PTPN2: variants seen among roughly 807,000 people sequenced by gnomAD.
PTPN2 encodes tyrosine-protein phosphatase non-receptor type 2.
In PTPN2, 19 loss-of-function variants were observed where a neutral mutation model predicts 57.3. The ratio of observed to expected loss-of-function variants is 0.33; its 90% CI spans 0.23 to 0.49. PTPN2 has a LOEUF of 0.49. PTPN2 is among the 20% of genes least tolerant of loss of function. The probability of loss-of-function intolerance (pLI) is 0.99; values close to 1 mark genes in which losing one functional copy is unlikely to be tolerated. For missense variants in PTPN2, 358 were observed against 501.1 expected (o/e 0.71, Z 2.73); for synonymous variants, 153 against 164.9 (o/e 0.93, Z 0.55).
chr18:12,862,423 TGCTGGAATTACAG>T (rs2043845372), intron 1 of PTPN2: 1 of 152,402 alleles, frequency 6.6e-6, no homozygotes, highest in South Asian at 2.1e-4. Flanking sequence ...CCTCCCAAAG[TGCTGGAATTACAG>T]GCGTGAGCCA....
chr18:12,830,746 A>G (rs2042639719), intron 4 of PTPN2, among the ~76,000 whole-genome samples, 197 bp downstream of exon 4: 1 of 152,154 alleles, frequency 6.6e-6, no homozygotes, highest in Non-Finnish European at 1.5e-5. Context: ...TTGGAGATGA[A>G]AGGTCTGCAA....
chr18:12,854,365 AAAAAAAAAAAG>A (rs758478192), intron 2 of PTPN2, among the ~76,000 whole-genome samples: 11 of 142,754 alleles, frequency 7.7e-5, no homozygotes, highest in East Asian at 1.9e-4. Context: ...GTCTTGAAAA[AAAAAAAAAAAG>A]AAAAAAGAAA....
At chr18:12,804,306 A>AG (rs1001121872) in intron 7 of PTPN2, among the ~76,000 whole-genome samples, 4 of 150,432 alleles carry the variant, frequency 2.7e-5, no homozygotes, top group Non-Finnish European at 4.4e-5. Flanking sequence ...AAAAAAAAAA[A>AG]AAAGAAAAAG....
intron 5 of PTPN2, among the ~76,000 whole-genome samples, chr18:12,825,362 G>C (rs2042413212): frequency 1.3e-5 from 2 of 152,068 alleles, no homozygotes; most frequent in Admixed American, 6.6e-5. Flanking sequence ...CATTTACTAA[G>C]GTCAGGTGCT....
intron 7 of PTPN2, among the ~76,000 whole-genome samples, chr18:12,802,694 G>C (rs941010708): frequency 2.6e-5 from 4 of 152,172 alleles, no homozygotes; most frequent in Non-Finnish European, 5.9e-5. Flanking sequence ...TACACGCCAA[G>C]AAAGAACAGA....
At chr18:12,833,298 T>C (rs2042733602) in intron 3 of PTPN2, among the ~76,000 whole-genome samples, 1 of 152,252 alleles carries the variant, frequency 6.6e-6, no homozygotes, top group Non-Finnish European at 1.5e-5. Flanking sequence ...ACTGCATCTC[T>C]AGTTTTCTGT....
intron 4 of PTPN2, among the ~76,000 whole-genome samples, chr18:12,830,442 A>AC (rs1263572398): frequency 6.6e-6 from 1 of 152,096 alleles, no homozygotes; most frequent in Non-Finnish European, 1.5e-5. Flanking sequence ...CTAATCCTTA[A>AC]TTTTTAAATG....
At chr18:12,807,644 T>G in intron 7 of PTPN2, among the ~76,000 whole-genome samples, 1 of 132,544 alleles carries the variant, frequency 7.5e-6, no homozygotes, top group Non-Finnish European at 1.6e-5. Context: ...AAAGAAATCC[T>G]GTCTTTTGTG....
At chr18:12,855,858 ATAGT>A (rs1202945326) in intron 2 of PTPN2, among the ~76,000 whole-genome samples, 9 of 152,230 alleles carry the variant, frequency 5.9e-5, no homozygotes, top group Non-Finnish European at 1.2e-4. Context: ...AAAGTTATTA[ATAGT>A]TAGGTTAGAG....
At chr18:12,794,930 G>A (rs1211739804) in intron 8 of PTPN2, among the ~76,000 whole-genome samples, 3 of 152,092 alleles carry the variant, frequency 2.0e-5, no homozygotes, top group African/African-American at 7.2e-5. Context: ...GCCAAGAAAA[G>A]CCTCAATATT....
chr18:12,868,400 G>A (rs1275145397), intron 1 of PTPN2, among the ~76,000 whole-genome samples: 1 of 151,956 alleles, frequency 6.6e-6, no homozygotes, highest in East Asian at 2.0e-4. Context: ...GATAACAGGT[G>A]CACATCACCA....
intron 4 of PTPN2, among the ~76,000 whole-genome samples, chr18:12,830,606 C>A (rs1280609955): frequency 1.3e-5 from 2 of 152,068 alleles, no homozygotes; most frequent in African/African-American, 2.4e-5. Flanking sequence ...AGTAAGAAAT[C>A]TGAAGTAGAA....
At chr18:12,810,630 G>C (rs1020933475) in intron 7 of PTPN2, among the ~76,000 whole-genome samples, 11 of 152,076 alleles carry the variant, frequency 7.2e-5, no homozygotes, top group African/African-American at 2.4e-4. Context: ...TATAATAGTT[G>C]ATTTACAGAA....
chr18:12,803,462 A>C (rs1267513393), intron 7 of PTPN2, among the ~76,000 whole-genome samples: 4 of 152,190 alleles, frequency 2.6e-5, no homozygotes, highest in African/African-American at 9.7e-5. Context: ...GGATGAAAAA[A>C]CAAAAAACAA....
chr18:12,883,991 G>C lies in PTPN2; in HGVS notation c.69+82C>G, dbSNP rs1248119350. On this transcript the variant is annotated intron_variant, in intron 1 of 8. Coordinates refer to ENST00000309660, the MANE Select transcript of PTPN2 (RefSeq NM_002828.4). ...GAGAGGCTAGAGGCGAGAGGCGGGG[G>C]AGGCGGGAGGGACCCTGCGGACAGG... 4.0e-6 allele frequency: 5 copies of C among 1,265,798 alleles called. No homozygotes were observed. The Admixed American group carries it at 8.9e-5, about 22-fold the overall frequency. The allele number at this position is 1,265,798 out of a possible 1,614,324, so 78.4% of individuals were successfully genotyped here. A position where few individuals can be genotyped will look rare whatever the true frequency, so the allele number is the denominator to read the frequency against.
intron 2 of PTPN2, among the ~76,000 whole-genome samples, chr18:12,838,279 T>C (rs552518443): frequency 6.6e-6 from 1 of 152,312 alleles, no homozygotes; most frequent in South Asian, 2.1e-4. Flanking sequence ...TTAGCTAACA[T>C]GCGGTAGGAA....
chr18:12,817,763 G>A (rs1483689132), intron 5 of PTPN2, among the ~76,000 whole-genome samples: 1 of 152,138 alleles, frequency 6.6e-6, no homozygotes, highest in Non-Finnish European at 1.5e-5. Flanking sequence ...CAGCCTTTGG[G>A]TTCTCAGCTA....
At chr18:12,829,955 G>C (rs73950681) in intron 4 of PTPN2, among the ~76,000 whole-genome samples, 11,702 of 152,070 alleles carry the variant, frequency 0.077, 670 homozygotes, top group African/African-American at 0.15. Context: ...AACCATCTAG[G>C]TTCAACCACC....
chr18:12,866,756 C>G (rs568696142), intron 1 of PTPN2, among the ~76,000 whole-genome samples: 1 of 152,212 alleles, frequency 6.6e-6, no homozygotes, highest in South Asian at 2.1e-4. Flanking sequence ...TGCCTGTAAT[C>G]CCAGCACTTT....
Sources: gnomAD v4.1 joint callset for allele counts (sites outside exome capture counted in the v4.1 genomes callset) on GRCh38, gnomAD v4.1.1 for gene constraint, MANE v1.5 for transcripts, NCBI Gene and HGNC (gene_info 2026-07-23, HGNC 2026-07-21) for gene names.